The following CHRNA7 variants were observed in gnomAD, a reference collection of about 807,000 sequenced individuals.
CHRNA7 encodes the protein cholinergic receptor nicotinic alpha 7 subunit.
CHRNA7 carries 17 observed loss-of-function variants against 48.0 expected under a neutral mutation model. The observed-to-expected ratio is 0.35, with a 90% confidence interval of 0.24 to 0.53. The LOEUF (loss-of-function observed/expected upper bound fraction) is 0.53, where lower values mean the gene tolerates loss of function less well. Among genes scored for constraint, CHRNA7 ranks in the 20% least tolerant of loss-of-function variants. The pLI, the probability that CHRNA7 is intolerant of heterozygous loss-of-function variation, is 0.92. For missense variants in CHRNA7, 155 were observed against 577.7 expected (o/e 0.27, Z 7.50); for synonymous variants, 75 against 242.3 (o/e 0.31, Z 6.41).
chr15:32,165,717 G>A (rs1453673813), intron 9 of CHRNA7: 1 of 149,802 alleles, frequency 6.7e-6, no homozygotes, highest in Non-Finnish European at 1.5e-5. Context: ...ATACTGCCGG[G>A]TGCAGTGGCA....
chr15:32,146,571 A>G (rs541811646), intron 4 of CHRNA7, among the ~76,000 whole-genome samples: 10 of 152,372 alleles, frequency 6.6e-5, no homozygotes, highest in Admixed American at 2.0e-4. Flanking sequence ...CGAAGTATCA[A>G]ATGTGTTTCT....
intron 2 of CHRNA7, among the ~76,000 whole-genome samples, chr15:32,067,739 T>C (rs2049989430): frequency 6.6e-6 from 1 of 152,252 alleles, no homozygotes; most frequent in African/African-American, 2.4e-5. Context: ...TAATTTTTAA[T>C]GCAACAACAA....
intron 4 of CHRNA7, among the ~76,000 whole-genome samples, chr15:32,133,954 T>A (rs2051200179): frequency 6.6e-6 from 1 of 152,164 alleles, no homozygotes. Context: ...ATGAACATGC[T>A]CTGCAGATGG....
chr15:32,067,208 A>G (rs917401428), intron 2 of CHRNA7, among the ~76,000 whole-genome samples: 1 of 152,216 alleles, frequency 6.6e-6, no homozygotes, highest in African/African-American at 2.4e-5. Context: ...ATAAAACCAA[A>G]GATCCACACC....
intron 4 of CHRNA7, among the ~76,000 whole-genome samples, chr15:32,152,049 G>A (rs2051640764): frequency 6.6e-6 from 1 of 152,186 alleles, no homozygotes. Flanking sequence ...GTAGGGCTGT[G>A]TTTTAAGGGT....
chr15:32,112,273 G>A (rs1566847212), intron 4 of CHRNA7: 1 of 464,038 alleles, frequency 2.2e-6, no homozygotes, highest in Admixed American at 2.3e-5. Context: ...TGGCCTATGG[G>A]ATGCACTGCT....
intron 2 of CHRNA7, among the ~76,000 whole-genome samples, chr15:32,071,504 A>G (rs766013282): frequency 2.0e-5 from 3 of 152,198 alleles, no homozygotes; most frequent in Non-Finnish European, 2.9e-5. Flanking sequence ...GCCATTTGAT[A>G]TGGATTGTCC....
intron 4 of CHRNA7, among the ~76,000 whole-genome samples, chr15:32,139,484 T>G (rs919602410): frequency 5.3e-5 from 8 of 152,252 alleles, no homozygotes; most frequent in Non-Finnish European, 1.0e-4. Context: ...CCACCAGCAG[T>G]GTATGAGAGT....
At chr15:32,109,963 C>T (rs1012685678) in intron 3 of CHRNA7, among the ~76,000 whole-genome samples, 1 of 152,194 alleles carries the variant, frequency 6.6e-6, no homozygotes, top group Non-Finnish European at 1.5e-5. Context: ...CAGTTCCTGT[C>T]TCCCCTCCCT....
rs187664110 is a variant in CHRNA7 at position 32,033,588 on chromosome 15, G to A, written c.195+2551G>A. ...CTTTCCTGAGATCCTGGATGAAGCC[G>A]AAGTCTCTATCAGACATAACAAAAT... On this transcript the variant is annotated intron_variant, in intron 2 of 9. Coordinates refer to ENST00000306901, the MANE Select transcript of CHRNA7 (RefSeq NM_000746.6). Among the ~76,000 whole-genome samples, 10 of 152,296 alleles carry A rather than the reference G, an allele frequency of 6.6e-5. 1 individual carries two copies. The highest frequency in any genetic ancestry group is 1.9e-4 in the East Asian group (1 of 5,190).
chr15:32,041,142 C>T (rs1343293175), intron 2 of CHRNA7, among the ~76,000 whole-genome samples: 1 of 151,440 alleles, frequency 6.6e-6, no homozygotes, highest in Non-Finnish European at 1.5e-5. Context: ...GATTTTTTTT[C>T]CCCCACATGT....
intron 2 of CHRNA7, among the ~76,000 whole-genome samples, chr15:32,059,128 C>G (rs573631894): frequency 6.6e-6 from 1 of 152,018 alleles, no homozygotes; most frequent in South Asian, 2.1e-4. Context: ...CTCAGTCTCC[C>G]GAGTGGCTGA....
chr15:32,054,797 T>G (rs935042523), intron 2 of CHRNA7, among the ~76,000 whole-genome samples: 6 of 152,244 alleles, frequency 3.9e-5, no homozygotes, highest in African/African-American at 1.4e-4. Context: ...ATTATATTGA[T>G]GGCTATTTAG....
intron 2 of CHRNA7, chr15:32,098,844 T>A (rs1161703653): frequency 7.0e-6 from 1 of 142,612 alleles, no homozygotes; most frequent in Non-Finnish European, 1.5e-5. Context: ...TATTGTGTTG[T>A]AGAATCCTAC....
At chr15:32,035,654 T>G (rs1221374550) in intron 2 of CHRNA7, among the ~76,000 whole-genome samples, 2 of 152,208 alleles carry the variant, frequency 1.3e-5, no homozygotes, top group African/African-American at 4.8e-5. Flanking sequence ...TTTACATTCA[T>G]TAGCCACTAT....
Position 32,124,980 on chromosome 15 carries a change from G to A in CHRNA7, c.350+13081G>A, listed in dbSNP as rs141026457. Among the ~76,000 whole-genome samples the A allele has an allele frequency of 7.9e-5, 12 of 152,312 alleles. No homozygotes were observed. In the East Asian group the frequency reaches 1.9e-3, roughly 24 times the overall value. ...TCTTGGACTTACAGGCTCCAGAACT[G>A]TGGAAGATAAATGCCAGAACTGACT... is the stretch of plus-strand genomic sequence containing the variant. On this transcript the variant is annotated intron_variant, in intron 4 of 9. Transcript: ENST00000306901.
intron 2 of CHRNA7, among the ~76,000 whole-genome samples, chr15:32,048,423 A>AT (rs764948370): frequency 5.9e-5 from 9 of 152,028 alleles, no homozygotes; most frequent in Non-Finnish European, 1.2e-4. Flanking sequence ...CGAGGAATTT[A>AT]CCATTTCTTC....
chr15:32,064,727 A>G (rs958387204), intron 2 of CHRNA7, among the ~76,000 whole-genome samples: 1 of 151,900 alleles, frequency 6.6e-6, no homozygotes, highest in African/African-American at 2.4e-5. Flanking sequence ...AGCTCTGGAA[A>G]CCAAAACAAG....
At chr15:32,116,729 G>T (rs2050878453) in intron 4 of CHRNA7, among the ~76,000 whole-genome samples, 1 of 152,222 alleles carries the variant, frequency 6.6e-6, no homozygotes, top group Non-Finnish European at 1.5e-5. Flanking sequence ...CCCTCTCTGG[G>T]CTTCTCTGTT....
Sources: gnomAD v4.1 joint callset for allele counts (sites outside exome capture counted in the v4.1 genomes callset) on GRCh38, gnomAD v4.1.1 for gene constraint, MANE v1.5 for transcripts, NCBI Gene and HGNC (gene_info 2026-07-23, HGNC 2026-07-21) for gene names.